Variants in PRG3 observed in about 807,000 individuals in gnomAD.
The protein encoded by PRG3 is proteoglycan 3.
Under a neutral mutation model 26.1 loss-of-function variants are expected in PRG3, and 25 were observed. That is an observed-to-expected ratio of 0.96 (90% CI 0.70 to 1.34). The LOEUF is 1.34. Among genes scored for constraint, PRG3 ranks in the 40% most tolerant of loss-of-function variants. PRG3 has a pLI of 0.00. For synonymous variants in PRG3, 111 were observed against 100.4 expected (o/e 1.11, Z -0.63); for missense variants, 280 against 264.8 (o/e 1.06, Z -0.40).
intron 3 of PRG3, 119 bp from the exon 4 acceptor site, chr11:57,378,931 C>T (rs1471201330): frequency 3.5e-6 from 4 of 1,144,060 alleles, no homozygotes; most frequent in African/African-American, 1.5e-5. Context: ...TCCCTTAATC[C>T]TATCTTTTGC....
rs762201736 is a variant in PRG3 at position 57,378,659 on chromosome 11, C to T, written c.507+22G>A. On this transcript the variant is annotated intron_variant, in intron 4 of 5. Transcript: ENST00000287143. ...ACATTCAGAAAGAACTTACTGCACC[C>T]AAGATTTGGCCCCTGACTTACCCAG... 9 of 1,610,268 alleles carry T rather than the reference C, an allele frequency of 5.6e-6. No individual in the cohort carries two copies. In the South Asian group the frequency reaches 9.9e-5, roughly 18 times the overall value.
chr11:57,376,958 G>A (rs1427921196), intron 5 of PRG3, 50 bp from the exon 6 acceptor site: 1 of 1,600,686 alleles, frequency 6.2e-7, no homozygotes, highest in Non-Finnish European at 8.5e-7. Flanking sequence ...GGTCTGGCCT[G>A]GGCTTCACCT....
At position 57,377,783 on chromosome 11, in the gene PRG3, G is replaced by A. The variant is rs1370722121; in HGVS notation, c.561C>T (p.Tyr187=). 1.9e-6 allele frequency: 3 copies of A among 1,613,026 alleles called. No individual in the cohort carries two copies. The highest frequency in any genetic ancestry group is 3.3e-5 in the Admixed American group (2 of 59,990). Residue 187 remains tyrosine (Y), a synonymous_variant, in exon 5 of 6, where the codon TAC becomes TAT. Coordinates refer to ENST00000287143, the MANE Select transcript of PRG3 (RefSeq NM_006093.4). ...WTDGSHWNFA[Y]WSPGQPGNGQ... ...CATTCCCAGGTTGCCCTGGGGACCA[G>A]TAAGCAAAATTCCAGTGGCTCCCAT... is the stretch of plus-strand genomic sequence containing the variant.
intron 4 of PRG3, 26 bp downstream of exon 4, chr11:57,378,655 C>A: frequency 1.2e-6 from 2 of 1,609,620 alleles, no homozygotes; most frequent in Non-Finnish European, 1.7e-6. Context: ...GAACTTACTG[C>A]ACCCAAGATT....
intron 5 of PRG3, 43 bp downstream of exon 5, chr11:57,377,682 C>T (rs769791777): frequency 2.0e-6 from 3 of 1,515,694 alleles, no homozygotes; most frequent in Non-Finnish European, 2.7e-6. Flanking sequence ...TAAGAATCCA[C>T]TTTACTATCC....
chr11:57,377,806 C>T lies in PRG3; in HGVS notation c.538G>A (p.Gly180Arg). Residue 180 changes from glycine (G) to arginine (R), a missense_variant, in exon 5 of 6, where the codon GGG (glycine) becomes AGG (arginine). Transcript: ENST00000287143. ...FLWKRFCWTD[G>R]SHWNFAYWSP... ...CAGTAAGCAAAATTCCAGTGGCTCC[C>T]ATCAGTCCAGCAAAACCGCTTCCAC... is the stretch of plus-strand genomic sequence containing the variant. The T allele has an allele frequency of 2.5e-6, 4 of 1,613,062 alleles. No homozygotes were observed. Among genetic ancestry groups the T allele is most frequent in the Non-Finnish European group, 3.4e-6 (4 of 1,179,954 alleles).
chr11:57,380,361 C>T (rs1482932518), intron 2 of PRG3, among the ~76,000 whole-genome samples: 2 of 148,862 alleles, frequency 1.3e-5, no homozygotes, highest in African/African-American at 2.5e-5. Context: ...GATCGCGCCA[C>T]TGCACTCCAG....
intron 4 of PRG3, 104 bp downstream of exon 4, chr11:57,378,577 A>G: frequency 6.8e-7 from 1 of 1,469,130 alleles, no homozygotes; most frequent in South Asian, 1.3e-5. Flanking sequence ...TGCCTGCCAC[A>G]TTAAGGAAAC....
intron 5 of PRG3, among the ~76,000 whole-genome samples, chr11:57,377,523 C>A (rs1264270981): frequency 6.6e-6 from 1 of 152,192 alleles, no homozygotes; most frequent in Non-Finnish European, 1.5e-5. Context: ...ATCCAGCCCA[C>A]CCCCCTGTCT....
Position 57,379,769 on chromosome 11 carries a change from C to T in PRG3, c.100G>A (p.Ala34Thr), listed in dbSNP as rs1212774704. Residue 34 changes from alanine to threonine, a missense_variant, in exon 3 of 6, where the codon GCA becomes ACA. Physicochemically the swap from Ala to Thr is moderately conservative, Grantham distance 58. Transcript: ENST00000287143. Reference sequence around the variant, plus strand: ...CTATCCAGATCCTGGCCTAGGTCTGCCTGTGTCTCTAGGCTCTCCAGATGG... The same window carrying T: ...CTATCCAGATCCTGGCCTAGGTCTGTCTGTGTCTCTAGGCTCTCCAGATGG... ...APHLESLETQ[A>T]DLGQDLDSSK... is the part of the protein sequence containing the mutation. The T allele has an allele frequency of 8.1e-6, 13 of 1,613,500 alleles. No individual in the cohort carries two copies. In the African/African-American group the frequency reaches 1.2e-4, roughly 15 times the overall value.
rs747571013 is a variant in PRG3 at position 57,379,618 on chromosome 11, G to C, written c.251C>G (p.Ala84Gly). The change falls in exon 3 of 6, where the codon GCT (alanine) becomes GGT (glycine). Residue 84 changes from alanine to glycine, a missense_variant. Transcript: ENST00000287143. ...EDEEAMESDP[A>G]ALDKDFQCPR... ...GCACTGGAAGTCCTTGTCTAAGGCA[G>C]CTGGGTCCGACTCCATGGCTTCCTC... 1 of 1,613,990 alleles carries C rather than the reference G, an allele frequency of 6.2e-7. No individual in the cohort carries two copies. The highest frequency in any genetic ancestry group is 1.1e-5 in the South Asian group (1 of 91,072).
Position 57,378,778 on chromosome 11 carries a change from A to T in PRG3, c.410T>A (p.Val137Asp). 1 of 1,613,808 alleles carries T rather than the reference A, an allele frequency of 6.2e-7. No homozygotes were observed. Among genetic ancestry groups the T allele is most frequent in the Admixed American group, 1.7e-5 (1 of 60,036 alleles). The stretch of plus-strand genomic sequence containing the variant: ...GTTGAAGTTGAAGTCATGGATAGAG[A>T]CAAGGTTGCCTCCGTAGCATCTGCT... ...VCSRCYGGNLVSIHDFNFNYR... is the reference protein window; with the variant it reads ...VCSRCYGGNLDSIHDFNFNYR... Residue 137 changes from valine (V) to aspartate (D), a missense_variant, in exon 4 of 6, where the codon GTC (valine) becomes GAC (aspartate). Transcript: ENST00000287143.
Position 57,379,768 on chromosome 11 carries a change from G to C in PRG3, c.101C>G (p.Ala34Gly), listed in dbSNP as rs1565079587. The C allele has an allele frequency of 1.9e-6, 3 of 1,613,538 alleles. No homozygotes were observed. The African/African-American group carries it at 4.0e-5, about 22-fold the overall frequency. ...APHLESLETQ[A>G]DLGQDLDSSK... ...ACTATCCAGATCCTGGCCTAGGTCT[G>C]CCTGTGTCTCTAGGCTCTCCAGATG... The change falls in exon 3 of 6, where the codon GCA becomes GGA. Residue 34 changes from alanine to glycine, a missense_variant. Ala to Gly is a moderately conservative substitution (Grantham distance 60, BLOSUM62 0). Transcript: ENST00000287143.
chr11:57,379,597 T>C lies in PRG3; in HGVS notation c.272A>G (p.Gln91Arg). ...SDPAALDKDF[Q>R]CPREEDIVEV... ...AACAATGTCTTCTTCCCTGGGGCAC[T>C]GGAAGTCCTTGTCTAAGGCAGCTGG... The change falls in exon 3 of 6, where the codon CAG becomes CGG. Residue 91 changes from glutamine (Q) to arginine (R), a missense_variant. Physicochemically the swap from Gln to Arg is conservative, Grantham distance 43. Coordinates refer to ENST00000287143, the MANE Select transcript of PRG3 (RefSeq NM_006093.4). The C allele has an allele frequency of 6.2e-7, 1 of 1,613,956 alleles. No homozygotes were observed. The highest frequency in any genetic ancestry group is 8.5e-7 in the Non-Finnish European group (1 of 1,180,024).
Position 57,380,684 on chromosome 11 carries a change from A to G in PRG3, c.25T>C (p.Phe9Leu). 6.3e-7 allele frequency: 1 copy of G among 1,577,564 alleles called. No homozygotes were observed. The highest frequency in any genetic ancestry group is 8.6e-7 in the Non-Finnish European group (1 of 1,166,462). ...GCAGAAACTGTTCCCAGCAGGAGAA[A>G]GGGCAGGAGCAAGAGGCATTGCATA... The part of the protein sequence containing the change: MQCLLLLP[F>L]LLLGTVSALH... Residue 9 changes from phenylalanine to leucine, a missense_variant, in exon 2 of 6, where the codon TTT becomes CTT. Phe to Leu is a conservative substitution (Grantham distance 22, BLOSUM62 0). Transcript: ENST00000287143.
rs1371739879 is a variant in PRG3 at position 57,376,915 on chromosome 11, G to A, written c.620-7C>T. ...GCTCGTCGCCAATAACCTCCTAGCA[G>A]CACAGAGCACAGTGAAGTCCACCGC... On this transcript the variant is annotated splice_region_variant and splice_polypyrimidine_tract_variant and intron_variant, in intron 5 of 5. Coordinates refer to ENST00000287143, the MANE Select transcript of PRG3 (RefSeq NM_006093.4). 43 of 1,612,038 alleles carry A rather than the reference G, an allele frequency of 2.7e-5. No individual in the cohort carries two copies. Among genetic ancestry groups the A allele is most frequent in the Non-Finnish European group, 3.6e-5 (43 of 1,179,736 alleles).
At chr11:57,376,971 T>C (rs1477551309) in intron 5 of PRG3, 63 bp from the exon 6 acceptor site, 2 of 1,584,410 alleles carry the variant, frequency 1.3e-6, no homozygotes, top group African/African-American at 1.3e-5. Context: ...CTTCACCTCT[T>C]TCCCTCCTCA....
intron 2 of PRG3, among the ~76,000 whole-genome samples, chr11:57,380,297 G>A (rs972420661): frequency 6.6e-6 from 1 of 152,140 alleles, no homozygotes; most frequent in Non-Finnish European, 1.5e-5. Flanking sequence ...CTACTCAGGA[G>A]GCTGAGGCAG....
chr11:57,377,940 A>G (rs1856960291), intron 4 of PRG3, 104 bp from the exon 5 acceptor site: 1 of 893,504 alleles, frequency 1.1e-6, no homozygotes, highest in African/African-American at 1.6e-5. Context: ...CAGGAGCCAG[A>G]CACCCTAGAG....
Sources: gnomAD v4.1 joint callset for allele counts (sites outside exome capture counted in the v4.1 genomes callset) on GRCh38, gnomAD v4.1.1 for gene constraint, MANE v1.5 for transcripts, NCBI Gene and HGNC (gene_info 2026-07-23, HGNC 2026-07-21) for gene names.